SACM1L: variants seen among roughly 807,000 people sequenced by gnomAD.
SACM1L encodes the protein SAC1 like phosphatidylinositide phosphatase.
In SACM1L, 32 loss-of-function variants were observed where a neutral mutation model predicts 89.5. That is an observed-to-expected ratio of 0.36 (90% CI 0.27 to 0.48). The LOEUF is 0.48. SACM1L is among the 20% of genes least tolerant of loss of function. SACM1L has a pLI of 0.99. For synonymous variants in SACM1L, 213 were observed against 232.8 expected (o/e 0.92, Z 0.77); for missense variants, 543 against 708.5 (o/e 0.77, Z 2.65).
In SACM1L at chr3:45,720,713, G is replaced by A. The variant is rs549840231; in HGVS notation, c.679+1112G>A. ...GATGTTGTTCCTTAGTGGGAATTACGAAGGGAAGCAAGGATAGCCTGTGCC... is the reference window on the plus strand; with the variant it reads ...GATGTTGTTCCTTAGTGGGAATTACAAAGGGAAGCAAGGATAGCCTGTGCC... On this transcript the variant is annotated intron_variant, in intron 8 of 19. Coordinates refer to ENST00000389061, the MANE Select transcript of SACM1L (RefSeq NM_014016.5). Among the ~76,000 whole-genome samples the A allele has an allele frequency of 8.5e-5, 13 of 152,224 alleles. No homozygotes were observed. The East Asian group carries it at 2.1e-3, about 25-fold the overall frequency.
At chr3:45,738,458 C>A in intron 16 of SACM1L, 120 bp from the exon 17 acceptor site, 1 of 610,516 alleles carries the variant, frequency 1.6e-6, no homozygotes, top group South Asian at 2.1e-5. Flanking sequence ...TCTGTATTTT[C>A]AGGGATAGTT....
chr3:45,713,833 C>G (rs1451413378), intron 6 of SACM1L: 1 of 291,994 alleles, frequency 3.4e-6, no homozygotes, highest in Non-Finnish European at 6.2e-6. Flanking sequence ...CTTCATGTAG[C>G]TTTATTAGTG....
intron 9 of SACM1L, 96 bp downstream of exon 9, chr3:45,722,181 C>G: frequency 1.3e-6 from 1 of 763,868 alleles, no homozygotes; most frequent in Non-Finnish European, 2.1e-6. Flanking sequence ...TTTCCCTTCT[C>G]TGTTCTTATG....
Position 45,704,278 on chromosome 3 carries a change from A to G in SACM1L, c.130+743A>G, listed in dbSNP as rs1405983035. Among the ~76,000 whole-genome samples, 10 of 152,206 alleles carry G rather than the reference A, an allele frequency of 6.6e-5. No individual in the cohort carries two copies. The East Asian group carries it at 1.5e-3, about 23-fold the overall frequency. The stretch of plus-strand genomic sequence containing the variant: ...CTTAAAGTACAATATTTGAATAACC[A>G]TAGAGTAGGCATTCAGTAAATAGCC... On this transcript the variant is annotated intron_variant, in intron 2 of 19. Transcript: ENST00000389061.
At chr3:45,705,242 G>A (rs1698361893) in intron 3 of SACM1L, 33 bp downstream of exon 3, 1 of 1,329,956 alleles carries the variant, frequency 7.5e-7, no homozygotes, top group Non-Finnish European at 1.1e-6. Context: ...GGGCAAAGAA[G>A]GTAATTAGCA....
intron 11 of SACM1L, among the ~76,000 whole-genome samples, chr3:45,726,590 CTTTTG>C (rs557080408): frequency 3.5e-4 from 53 of 151,980 alleles, no homozygotes; most frequent in South Asian, 8.3e-4. Context: ...TAATTTGAGT[CTTTTG>C]TTTTGTTTTG....
intron 11 of SACM1L, among the ~76,000 whole-genome samples, chr3:45,726,842 T>C (rs1698929691): frequency 6.6e-6 from 1 of 152,012 alleles, no homozygotes; most frequent in South Asian, 2.1e-4. Context: ...GCGACAAATT[T>C]TCCTCAGCAC....
intron 7 of SACM1L, among the ~76,000 whole-genome samples, chr3:45,715,859 T>C (rs1434903076): frequency 2.6e-5 from 4 of 152,170 alleles, no homozygotes; most frequent in African/African-American, 9.7e-5. Flanking sequence ...TGTTTTTTTT[T>C]CAAAATGAGA....
intron 1 of SACM1L, 130 bp from the exon 2 acceptor site, chr3:45,703,305 ACTT>A: frequency 1.6e-6 from 1 of 606,862 alleles, no homozygotes; most frequent in Non-Finnish European, 2.9e-6. Context: ...AGGACAGCAA[ACTT>A]AACAGATTCA....
chr3:45,699,399 C>G (rs1249512690), intron 1 of SACM1L, among the ~76,000 whole-genome samples: 2 of 151,032 alleles, frequency 1.3e-5, no homozygotes, highest in African/African-American at 4.8e-5. Flanking sequence ...CAAATGAAGC[C>G]TCATGGTGTA....
In SACM1L at chr3:45,744,534, T is replaced by G. The variant is rs952171233; in HGVS notation, c.*865T>G. ...AGACACGCAGGCCTCTGAGAGGGTC[T>G]TGTTCTAGATTTCATATTGCACTTG... On this transcript the variant is annotated 3_prime_UTR_variant, in exon 20 of 20. Transcript: ENST00000389061. The G allele has an allele frequency of 6.6e-6, 1 of 152,654 alleles. No individual in the cohort carries two copies. The highest frequency in any genetic ancestry group is 1.5e-5 in the Non-Finnish European group (1 of 68,038). 9.5% of individuals were successfully genotyped at this position (152,654 alleles called of 1,614,324 possible).
intron 1 of SACM1L, among the ~76,000 whole-genome samples, chr3:45,694,446 G>A (rs547242617): frequency 2.6e-5 from 4 of 152,252 alleles, no homozygotes; most frequent in East Asian, 1.9e-4. Flanking sequence ...GAAGTCTCCC[G>A]GTGGAGGGAA....
rs1281524362 is a variant in SACM1L, at chr3:45,745,212, T to A, written c.*1543T>A. 6.6e-6 allele frequency: 1 copy of A among 152,646 alleles called. No individual in the cohort carries two copies. Among genetic ancestry groups the A allele is most frequent in the African/African-American group, 2.4e-5 (1 of 41,450 alleles). The allele number at this position is 152,646 out of a possible 1,614,324, so 9.5% of individuals were successfully genotyped here. A position where few individuals can be genotyped will look rare whatever the true frequency, so the allele number is the denominator to read the frequency against. On this transcript the variant is annotated 3_prime_UTR_variant, in exon 20 of 20. Transcript: ENST00000389061. ...TATTATTTAAATGCTGCTGGGCATT[T>A]CACTTAAAGAACTTAATGTCAACAG...
intron 1 of SACM1L, among the ~76,000 whole-genome samples, chr3:45,695,920 T>C (rs1236199495): frequency 6.6e-6 from 1 of 152,152 alleles, no homozygotes; most frequent in Non-Finnish European, 1.5e-5. Flanking sequence ...GCAGTATTTG[T>C]CCTTTTATGA....
At chr3:45,731,174 T>C in intron 11 of SACM1L, 127 bp from the exon 12 acceptor site, 1 of 530,760 alleles carries the variant, frequency 1.9e-6, no homozygotes. Context: ...TCAGACAGCT[T>C]CTGGGTTTTT....
At position 45,719,591 on chromosome 3, in the gene SACM1L, T is replaced by C; in HGVS notation, c.669T>C (p.Tyr223=). The C allele has an allele frequency of 6.2e-7, 1 of 1,606,770 alleles. No individual in the cohort carries two copies. Among genetic ancestry groups the C allele is most frequent in the Admixed American group, 1.7e-5 (1 of 58,892 alleles). The change falls in exon 8 of 20, where the codon TAT becomes TAC. Residue 223 remains tyrosine, a synonymous_variant. Coordinates refer to ENST00000389061, the MANE Select transcript of SACM1L (RefSeq NM_014016.5). ...RRSCFRAGVR[Y]YVRGIDSEGH... is the part of the protein sequence containing the mutation. ...GCTGTTTCAGAGCTGGTGTGCGCTA[T>C]TATGTAAGAGGTGAGAATTTTGTCA...
At chr3:45,713,338 G>A in intron 6 of SACM1L, 142 bp downstream of exon 6, 2 of 605,812 alleles carry the variant, frequency 3.3e-6, no homozygotes, top group Non-Finnish European at 5.6e-6. Flanking sequence ...ACTTGGATCA[G>A]GTCTACCCTG....
Position 45,743,788 on chromosome 3 carries a change from A to AAGATGTGC in SACM1L, c.*119_*120insAGATGTGC. On this transcript the variant is annotated 3_prime_UTR_variant, in exon 20 of 20. Transcript: ENST00000389061. ...TTTTAATGCCTTTATCCAAAAGCAC[A>AAGATGTGC]TCTTGTGCTCCATGCAGGATGATGA... The AAGATGTGC allele has an allele frequency of 3.2e-5, 33 of 1,038,074 alleles. No individual in the cohort carries two copies. Among genetic ancestry groups the AAGATGTGC allele is most frequent in the Non-Finnish European group, 4.3e-5 (31 of 723,576 alleles). 64.3% of individuals were successfully genotyped at this position (1,038,074 alleles called of 1,614,324 possible). A position where few individuals can be genotyped will look rare whatever the true frequency, so the allele number is the denominator to read the frequency against.
At position 45,743,723 on chromosome 3, in the gene SACM1L, G is replaced by A; in HGVS notation, c.*54G>A. 6.4e-7 allele frequency: 1 copy of A among 1,565,092 alleles called. No homozygotes were observed. The highest frequency in any genetic ancestry group is 8.6e-7 in the Non-Finnish European group (1 of 1,158,108). On this transcript the variant is annotated 3_prime_UTR_variant, in exon 20 of 20. Transcript: ENST00000389061. Reference sequence around the variant, plus strand: ...TGGAAGATTCCATTGTGCAGAACTGGAGTCTTTACTGACCCGCTTTCCACA... The same window carrying A: ...TGGAAGATTCCATTGTGCAGAACTGAAGTCTTTACTGACCCGCTTTCCACA...
Sources: allele counts gnomAD v4.1 joint callset (sites outside exome capture counted in the v4.1 genomes callset), GRCh38; gene constraint gnomAD v4.1.1; transcripts MANE v1.5; gene names NCBI Gene and HGNC (gene_info 2026-07-23, HGNC 2026-07-21).